Variants in CDH13 observed in about 807,000 individuals in gnomAD.
The protein encoded by CDH13 is cadherin-13.
Under a neutral mutation model 63.8 loss-of-function variants are expected in CDH13, and 24 were observed. That is an observed-to-expected ratio of 0.38 (90% CI 0.27 to 0.53). The LOEUF is 0.53. Ranked by LOEUF, CDH13 falls within the 20% of genes least tolerant of loss-of-function variation. The pLI is 0.85. For synonymous variants in CDH13, 503 were observed against 355.3 expected, an observed-to-expected ratio of 1.42 and a Z score of -4.67; for missense variants, 1,049 against 903.1, an observed-to-expected ratio of 1.16 and a Z score of -2.07.
intron 3 of CDH13, among the ~76,000 whole-genome samples, chr16:83,082,599 G>A (rs1219246931): frequency 2.0e-5 from 3 of 152,112 alleles, no homozygotes; most frequent in Non-Finnish European, 2.9e-5. Flanking sequence ...CAAGACCATC[G>A]TGCCACTGCA....
chr16:82,855,603 A>G (rs1199090650), intron 1 of CDH13, among the ~76,000 whole-genome samples: 1 of 152,192 alleles, frequency 6.6e-6, no homozygotes, highest in Non-Finnish European at 1.5e-5. Flanking sequence ...TGTATGTGCC[A>G]CTTGGGATGC....
At chr16:83,568,811 C>A in intron 7 of CDH13, among the ~76,000 whole-genome samples, 1 of 152,192 alleles carries the variant, frequency 6.6e-6, no homozygotes, top group Non-Finnish European at 1.5e-5. Context: ...TGATCATCTC[C>A]CAAAGCCACT....
intron 7 of CDH13, among the ~76,000 whole-genome samples, chr16:83,560,907 C>T (rs61502447): frequency 1.3e-5 from 2 of 151,998 alleles, no homozygotes; most frequent in South Asian, 2.1e-4. Flanking sequence ...TGGCCCCCCC[C>T]CCGCCCCAGG....
chr16:83,158,621 G>C (rs1457138720), intron 4 of CDH13, among the ~76,000 whole-genome samples: 2 of 152,206 alleles, frequency 1.3e-5, no homozygotes, highest in Non-Finnish European at 2.9e-5. Context: ...CCAGCGTTGG[G>C]GTCATAAGGC....
intron 1 of CDH13, among the ~76,000 whole-genome samples, chr16:82,710,758 A>G (rs2031876002): frequency 6.8e-6 from 1 of 147,004 alleles, no homozygotes; most frequent in Non-Finnish European, 1.5e-5. Context: ...TTGTATATTT[A>G]TAAAATATAT....
chr16:83,359,024 C>T (rs2091109248), intron 6 of CDH13, among the ~76,000 whole-genome samples: 2 of 152,050 alleles, frequency 1.3e-5, no homozygotes, highest in Admixed American at 1.3e-4. Context: ...GTCCACATTC[C>T]AGGGGCCAGA....
At chr16:83,377,592 C>G (rs1028736627) in intron 6 of CDH13, among the ~76,000 whole-genome samples, 2 of 152,174 alleles carry the variant, frequency 1.3e-5, no homozygotes, top group Non-Finnish European at 2.9e-5. Context: ...TAACATGCAA[C>G]CACAGGCCAT....
chr16:83,050,192 C>A (rs1236703340), intron 3 of CDH13, among the ~76,000 whole-genome samples: 1 of 152,216 alleles, frequency 6.6e-6, no homozygotes, highest in Non-Finnish European at 1.5e-5. Flanking sequence ...CTCCTTCTGC[C>A]TACTGTCGCC....
chr16:83,035,365 G>A (rs1423812745), intron 3 of CDH13, among the ~76,000 whole-genome samples: 1 of 152,136 alleles, frequency 6.6e-6, no homozygotes, highest in African/African-American at 2.4e-5. Flanking sequence ...AGAGGGGAGA[G>A]GTCAAGGGGA....
At chr16:83,472,797 A>G (rs948155030) in intron 6 of CDH13, among the ~76,000 whole-genome samples, 6 of 152,170 alleles carry the variant, frequency 3.9e-5, no homozygotes, top group African/African-American at 1.4e-4. Flanking sequence ...TGCTCCTTAA[A>G]TATTTATTGA....
intron 5 of CDH13, among the ~76,000 whole-genome samples, chr16:83,310,054 G>T (rs1449437136): frequency 6.6e-6 from 1 of 152,024 alleles, no homozygotes; most frequent in Non-Finnish European, 1.5e-5. Context: ...TAATAATTCC[G>T]ACATACTTCT....
intron 8 of CDH13, among the ~76,000 whole-genome samples, chr16:83,633,926 A>G (rs750400192): frequency 1.1e-4 from 16 of 152,090 alleles, no homozygotes; most frequent in Admixed American, 5.2e-4. Flanking sequence ...TTATTTTTCC[A>G]TTTTTCCATG....
chr16:83,381,441 G>A (rs12447211), intron 6 of CDH13, among the ~76,000 whole-genome samples: 1 of 152,076 alleles, frequency 6.6e-6, no homozygotes. Flanking sequence ...CCCTATCCAT[G>A]TTCATGATTT....
chr16:83,746,972 C>G (rs1209055724), intron 10 of CDH13, among the ~76,000 whole-genome samples: 3 of 152,204 alleles, frequency 2.0e-5, no homozygotes, highest in Admixed American at 2.0e-4. Context: ...AACAGTAGTT[C>G]AGGTTCTCTA....
intron 1 of CDH13, among the ~76,000 whole-genome samples, chr16:82,822,467 A>AT (rs1423221501): frequency 6.6e-6 from 1 of 152,118 alleles, no homozygotes; most frequent in Non-Finnish European, 1.5e-5. Context: ...AGGTTAAATC[A>AT]TTTTTTTAAA....
intron 1 of CDH13, among the ~76,000 whole-genome samples, chr16:82,711,436 C>T (rs1277118828): frequency 6.6e-6 from 1 of 152,166 alleles, no homozygotes; most frequent in Non-Finnish European, 1.5e-5. Context: ...GTGAAGTAAA[C>T]AGCTTGGACT....
intron 10 of CDH13, among the ~76,000 whole-genome samples, chr16:83,713,335 C>A (rs1002283156): frequency 7.9e-5 from 12 of 152,206 alleles, no homozygotes; most frequent in Non-Finnish European, 1.5e-4. Flanking sequence ...TGGCCTCCCA[C>A]CCCACATTTT....
chr16:82,898,912 CTT>C (rs1332119054), intron 2 of CDH13, among the ~76,000 whole-genome samples: 1 of 152,226 alleles, frequency 6.6e-6, no homozygotes, highest in Non-Finnish European at 1.5e-5. Context: ...GTATGCTTAA[CTT>C]CACTCAGTAT....
chr16:82,861,972 C>A (rs1308687011), intron 2 of CDH13, among the ~76,000 whole-genome samples: 2 of 152,162 alleles, frequency 1.3e-5, no homozygotes, highest in Non-Finnish European at 1.5e-5. Flanking sequence ...TGATTCTTCC[C>A]ATTTGTCAAT....
Sources: allele counts gnomAD v4.1 joint callset (sites outside exome capture counted in the v4.1 genomes callset), GRCh38; gene constraint gnomAD v4.1.1; transcripts MANE v1.5; gene names NCBI Gene and HGNC (gene_info 2026-07-23, HGNC 2026-07-21).